NPAS3: variants seen among roughly 807,000 people sequenced by gnomAD.
NPAS3 encodes neuronal PAS domain protein 3.
In NPAS3, 14 loss-of-function variants were observed where a neutral mutation model predicts 73.1. The ratio of observed to expected loss-of-function variants is 0.19; its 90% CI spans 0.13 to 0.30. NPAS3 has a LOEUF of 0.30. Ranked by LOEUF, NPAS3 falls within the 10% of genes least tolerant of loss-of-function variation. The probability of loss-of-function intolerance (pLI) is 1.00; values close to 1 mark genes in which losing one functional copy is unlikely to be tolerated. For missense variants in NPAS3, 1,096 were observed against 1,250.0 expected (o/e 0.88, Z 1.86); for synonymous variants, 620 against 541.5 (o/e 1.14, Z -2.01).
At chr14:33,265,993 T>A (rs1334020860) in intron 3 of NPAS3, among the ~76,000 whole-genome samples, 2 of 148,664 alleles carry the variant, frequency 1.3e-5, no homozygotes, top group Admixed American at 6.7e-5. Context: ...TACTTAAATA[T>A]GTAATATAAA....
intron 5 of NPAS3, among the ~76,000 whole-genome samples, chr14:33,605,056 T>C (rs187755408): frequency 1.0e-3 from 156 of 151,096 alleles, no homozygotes; most frequent in African/African-American, 3.5e-3. Flanking sequence ...CTAAAATGAG[T>C]AGAGGAATAG....
intron 3 of NPAS3, among the ~76,000 whole-genome samples, chr14:33,273,352 C>T (rs890551074): frequency 2.6e-5 from 4 of 152,168 alleles, no homozygotes; most frequent in African/African-American, 9.7e-5. Context: ...GTTCTCAGTC[C>T]ACACAGGGTA....
intron 4 of NPAS3, among the ~76,000 whole-genome samples, chr14:33,452,203 C>G (rs1160941100): frequency 6.6e-6 from 1 of 152,086 alleles, no homozygotes; most frequent in African/African-American, 2.4e-5. Context: ...ACCACCCAGG[C>G]TCCTGGTTGT....
intron 6 of NPAS3, among the ~76,000 whole-genome samples, chr14:33,685,160 C>T (rs2060054336): frequency 1.3e-5 from 2 of 152,024 alleles, no homozygotes; most frequent in African/African-American, 2.4e-5. Flanking sequence ...GAAATAATGA[C>T]GAGGCTCCCC....
chr14:33,117,603 G>T (rs944742411), intron 2 of NPAS3, among the ~76,000 whole-genome samples: 1 of 152,086 alleles, frequency 6.6e-6, no homozygotes, highest in Non-Finnish European at 1.5e-5. Context: ...CCTTTCTGAA[G>T]ACTTGCTTGT....
intron 1 of NPAS3, among the ~76,000 whole-genome samples, chr14:32,961,409 CAA>C (rs555007306): frequency 4.2e-4 from 24 of 57,284 alleles, no homozygotes; most frequent in Admixed American, 5.9e-4. Context: ...GACTTCATCT[CAA>C]AAAAAAAAAA....
Position 32,945,277 on chromosome 14 carries a change from A to C in NPAS3, c.50+5911A>C, listed in dbSNP as rs189740586. ...CCTGGAGGACAGAGAGAGAAAAGATACTGTATAAATTGAAGTGAAATTGTA... is the reference window on the plus strand; with the variant it reads ...CCTGGAGGACAGAGAGAGAAAAGATCCTGTATAAATTGAAGTGAAATTGTA... On this transcript the variant is annotated intron_variant, in intron 1 of 11. Transcript: ENST00000356141. 4.1e-3 allele frequency among the ~76,000 whole-genome samples: 621 copies of C among 152,302 alleles called. 10 individuals are homozygous for C. Among genetic ancestry groups the C allele is most frequent in the Non-Finnish European group, 5.1e-3 (350 of 68,018 alleles).
chr14:33,516,014 ACAC>A (rs1276953890), intron 4 of NPAS3, among the ~76,000 whole-genome samples: 1 of 152,096 alleles, frequency 6.6e-6, no homozygotes, highest in Non-Finnish European at 1.5e-5. Flanking sequence ...GTAAGATAGA[ACAC>A]GTCCGCACAC....
chr14:33,384,575 C>CA (rs1436784372), intron 4 of NPAS3, among the ~76,000 whole-genome samples: 1 of 151,940 alleles, frequency 6.6e-6, no homozygotes, highest in Non-Finnish European at 1.5e-5. Flanking sequence ...ACTAAAAGTA[C>CA]AAAATTAGCT....
intron 2 of NPAS3, among the ~76,000 whole-genome samples, chr14:33,171,315 C>T (rs1382782400): frequency 2.0e-5 from 3 of 152,158 alleles, no homozygotes; most frequent in East Asian, 3.8e-4. Context: ...GAGCACAGGC[C>T]GAGTAGTTCT....
intron 3 of NPAS3, among the ~76,000 whole-genome samples, chr14:33,284,490 T>C (rs899011870): frequency 9.9e-5 from 15 of 152,142 alleles, no homozygotes; most frequent in Admixed American, 9.8e-4. Flanking sequence ...AGTATGATAC[T>C]AATAGAAATG....
intron 4 of NPAS3, among the ~76,000 whole-genome samples, chr14:33,392,569 A>G (rs2138625812): frequency 1.3e-5 from 2 of 152,304 alleles, no homozygotes; most frequent in East Asian, 3.9e-4. Flanking sequence ...TATCAACATA[A>G]GACTTGAATT....
At chr14:33,166,652 GC>G (rs1566630745) in intron 2 of NPAS3, among the ~76,000 whole-genome samples, 1 of 152,030 alleles carries the variant, frequency 6.6e-6, no homozygotes, top group African/African-American at 2.4e-5. Flanking sequence ...TTAATATAAG[GC>G]CCCTTTGATA....
intron 2 of NPAS3, among the ~76,000 whole-genome samples, chr14:33,088,822 C>T (rs530021799): frequency 8.5e-5 from 13 of 152,250 alleles, no homozygotes; most frequent in Non-Finnish European, 1.3e-4. Flanking sequence ...CCCTCTGAGA[C>T]GAAGCTTCCA....
Position 33,554,955 on chromosome 14 carries a change from A to G in NPAS3, c.469-5166A>G, listed in dbSNP as rs181766032. ...ATTCAGCTTTTGGGGTTAAGAAACT[A>G]TGCCTTACACTTTATATGTTACACT... On this transcript the variant is annotated intron_variant, in intron 4 of 11. Transcript: ENST00000356141. 1.7e-3 allele frequency among the ~76,000 whole-genome samples: 259 copies of G among 152,292 alleles called. 1 individual carries two copies. The highest frequency in any genetic ancestry group is 6.0e-3 in the African/African-American group (251 of 41,574).
intron 3 of NPAS3, among the ~76,000 whole-genome samples, chr14:33,249,665 C>T (rs1338696913): frequency 6.6e-6 from 1 of 152,076 alleles, no homozygotes; most frequent in African/African-American, 2.4e-5. Flanking sequence ...GAAGGAGAAC[C>T]GCTTACATGT....
At chr14:33,280,407 C>T (rs2041547602) in intron 3 of NPAS3, among the ~76,000 whole-genome samples, 1 of 151,956 alleles carries the variant, frequency 6.6e-6, no homozygotes, top group African/African-American at 2.4e-5. Context: ...ACAGTTGGTC[C>T]TAAGATTAAG....
At chr14:33,353,033 TTTC>T (rs1020021510) in intron 3 of NPAS3, among the ~76,000 whole-genome samples, 13 of 152,128 alleles carry the variant, frequency 8.5e-5, no homozygotes, top group African/African-American at 3.1e-4. Flanking sequence ...CATTTAGTAT[TTTC>T]TTCTGAGTAC....
intron 1 of NPAS3, among the ~76,000 whole-genome samples, chr14:32,960,782 C>G (rs17525100): frequency 0.054 from 8,171 of 152,226 alleles, 268 homozygotes; most frequent in Middle Eastern, 0.078. Context: ...TACATAAAAC[C>G]TAGCAGTGAT....
Sources: gnomAD v4.1 joint callset for allele counts (sites outside exome capture counted in the v4.1 genomes callset) on GRCh38, gnomAD v4.1.1 for gene constraint, MANE v1.5 for transcripts, NCBI Gene and HGNC (gene_info 2026-07-23, HGNC 2026-07-21) for gene names.